The following CTIF variants were observed in gnomAD, a reference collection of about 807,000 sequenced individuals.
CTIF encodes the protein CBP80/20-dependent translation initiation factor.
A neutral mutation model predicts 66.0 loss-of-function variants in CTIF; 21 were observed. The observed-to-expected ratio is 0.32, with a 90% CI of 0.23 to 0.46. The LOEUF (loss-of-function observed/expected upper bound fraction) is 0.46. Ranked by LOEUF, CTIF falls within the 20% of genes least tolerant of loss-of-function variation. The pLI is 1.00. For synonymous variants in CTIF, 345 were observed against 326.4 expected, an observed-to-expected ratio of 1.06 and a Z score of -0.62; for missense variants, 739 against 812.7, an observed-to-expected ratio of 0.91 and a Z score of 1.10.
intron 10 of CTIF, among the ~76,000 whole-genome samples, chr18:48,827,710 T>C (rs2068610869): frequency 6.6e-6 from 1 of 152,298 alleles, no homozygotes; most frequent in East Asian, 1.9e-4. Context: ...GGGCACTGGC[T>C]TAGCATCGGA....
chr18:48,601,752 C>A (rs1349501884), intron 1 of CTIF, among the ~76,000 whole-genome samples: 3 of 152,208 alleles, frequency 2.0e-5, no homozygotes, highest in African/African-American at 7.2e-5. Flanking sequence ...CTTGTATGCT[C>A]TAAAACACTT....
rs866723487 is a variant in CTIF, at chr18:48,766,464, C to A, written c.1371+4775C>A. Among the ~76,000 whole-genome samples the A allele has an allele frequency of 5.5e-4, 84 of 152,276 alleles. No individual in the cohort carries two copies. In the Middle Eastern group the frequency reaches 0.01, roughly 18 times the overall value. The stretch of plus-strand genomic sequence containing the variant: ...TATTGCATTTCAGATACTGGCTCTT[C>A]TTTAGGTCAGTGGTTCTCAGCCTCG... On this transcript the variant is annotated intron_variant, in intron 9 of 11. Coordinates refer to ENST00000256413, the MANE Select transcript of CTIF (RefSeq NM_014772.3).
At chr18:48,717,124 C>T (rs569483545) in intron 7 of CTIF, among the ~76,000 whole-genome samples, 9 of 152,204 alleles carry the variant, frequency 5.9e-5, no homozygotes, top group African/African-American at 1.4e-4. Flanking sequence ...TGGGGCCGGG[C>T]GTGGAGGCTC....
intron 6 of CTIF, among the ~76,000 whole-genome samples, chr18:48,700,219 T>A (rs1034010905): frequency 4.6e-5 from 7 of 152,244 alleles, no homozygotes; most frequent in Non-Finnish European, 1.0e-4. Context: ...GTACATGCTC[T>A]CTTTCTGCTA....
At chr18:48,604,168 GTTT>G (rs34544217) in intron 1 of CTIF, among the ~76,000 whole-genome samples, 594 of 63,234 alleles carry the variant, frequency 9.4e-3, no homozygotes, top group African/African-American at 0.041. Context: ...TTTTTTAAGG[GTTT>G]TTTTTTTTTT....
At chr18:48,654,175 A>G (rs1291391781) in intron 3 of CTIF, among the ~76,000 whole-genome samples, 1 of 152,130 alleles carries the variant, frequency 6.6e-6, no homozygotes, top group African/African-American at 2.4e-5. Context: ...AAACTACCAT[A>G]AGAGTGAATA....
At chr18:48,580,303 A>G (rs1015747991) in intron 1 of CTIF, among the ~76,000 whole-genome samples, 2 of 152,344 alleles carry the variant, frequency 1.3e-5, no homozygotes, top group East Asian at 3.9e-4. Flanking sequence ...TCAATGACAC[A>G]TCTCCAATCA....
intron 1 of CTIF, among the ~76,000 whole-genome samples, chr18:48,583,117 C>T (rs1047553119): frequency 1.3e-5 from 2 of 152,178 alleles, no homozygotes; most frequent in South Asian, 4.1e-4. Flanking sequence ...AGGGGGCCAG[C>T]TGGGCCATTG....
intron 1 of CTIF, among the ~76,000 whole-genome samples, chr18:48,541,421 C>A (rs947581674): frequency 6.6e-6 from 1 of 152,206 alleles, no homozygotes; most frequent in African/African-American, 2.4e-5. Flanking sequence ...AGGAAGGAGC[C>A]GCCCAGAGCG....
At chr18:48,618,804 C>T (rs549924590) in intron 1 of CTIF, among the ~76,000 whole-genome samples, 96 of 152,282 alleles carry the variant, frequency 6.3e-4, no homozygotes, top group African/African-American at 2.2e-3. Flanking sequence ...AGAGAGGGTG[C>T]GAGGGCTAAT....
At chr18:48,598,644 C>T (rs1222296832) in intron 1 of CTIF, among the ~76,000 whole-genome samples, 3 of 152,174 alleles carry the variant, frequency 2.0e-5, no homozygotes, top group Admixed American at 6.5e-5. Context: ...AACGGTGAAA[C>T]GGCATGGTGG....
At chr18:48,684,398 T>C (rs2091801485) in intron 6 of CTIF, among the ~76,000 whole-genome samples, 1 of 152,168 alleles carries the variant, frequency 6.6e-6, no homozygotes, top group Non-Finnish European at 1.5e-5. Context: ...TCACTGTTTT[T>C]ACTATTTTTT....
At chr18:48,655,550 C>A (rs951173922) in intron 3 of CTIF, among the ~76,000 whole-genome samples, 1 of 152,168 alleles carries the variant, frequency 6.6e-6, no homozygotes, top group African/African-American at 2.4e-5. Flanking sequence ...AGGGTGTGGA[C>A]TGGGACTGGG....
chr18:48,693,758 T>C (rs1391598617), intron 6 of CTIF, among the ~76,000 whole-genome samples: 3 of 152,180 alleles, frequency 2.0e-5, no homozygotes, highest in African/African-American at 7.2e-5. Flanking sequence ...CAGCCCTCCA[T>C]TGGTTTTTAT....
chr18:48,628,112 A>G (rs2090635432), intron 2 of CTIF, among the ~76,000 whole-genome samples: 1 of 152,208 alleles, frequency 6.6e-6, no homozygotes, highest in Admixed American at 6.5e-5. Flanking sequence ...TTGACCCTGA[A>G]GATTTTAGCC....
intron 1 of CTIF, among the ~76,000 whole-genome samples, chr18:48,593,441 C>T (rs753467537): frequency 2.0e-5 from 3 of 149,420 alleles, no homozygotes; most frequent in Admixed American, 6.7e-5. Context: ...AGTGCAGTGG[C>T]GCGATCTCGG....
chr18:48,588,080 C>T (rs564837132), intron 1 of CTIF, among the ~76,000 whole-genome samples: 1 of 152,162 alleles, frequency 6.6e-6, no homozygotes, highest in Non-Finnish European at 1.5e-5. Context: ...CCCGGGGAGG[C>T]TCAGAACTGA....
chr18:48,808,951 A>G (rs1340183025), intron 9 of CTIF, among the ~76,000 whole-genome samples: 2 of 152,158 alleles, frequency 1.3e-5, no homozygotes, highest in Non-Finnish European at 2.9e-5. Context: ...GTACAGATTG[A>G]TATTAAACCT....
intron 7 of CTIF, among the ~76,000 whole-genome samples, chr18:48,717,050 C>A (rs1189048173): frequency 1.3e-5 from 2 of 152,208 alleles, no homozygotes; most frequent in Non-Finnish European, 2.9e-5. Flanking sequence ...CTTGCTGCCT[C>A]TGTCCTGCGA....
Sources: allele counts gnomAD v4.1 joint callset (sites outside exome capture counted in the v4.1 genomes callset), GRCh38; gene constraint gnomAD v4.1.1; transcripts MANE v1.5; gene names NCBI Gene and HGNC (gene_info 2026-07-23, HGNC 2026-07-21).